Variants in FSTL5 observed in about 807,000 individuals in gnomAD.
The protein encoded by FSTL5 is follistatin like 5.
A neutral mutation model predicts 89.1 loss-of-function variants in FSTL5; 62 were observed. That is an observed-to-expected ratio of 0.70 (90% CI 0.57 to 0.86). The LOEUF (loss-of-function observed/expected upper bound fraction) is 0.86. Ranked by LOEUF, FSTL5 falls within the 40% of genes least tolerant of loss-of-function variation. The probability of loss-of-function intolerance (pLI) is 0.00; values close to 1 mark genes in which losing one functional copy is unlikely to be tolerated. For synonymous variants in FSTL5, 383 were observed against 346.2 expected, an observed-to-expected ratio of 1.11 and a Z score of -1.18; for missense variants, 1,057 against 1,001.6, an observed-to-expected ratio of 1.06 and a Z score of -0.75.
chr4:161,663,908 G>A (rs1170869584), intron 6 of FSTL5, among the ~76,000 whole-genome samples: 1 of 152,170 alleles, frequency 6.6e-6, no homozygotes, highest in South Asian at 2.1e-4. Flanking sequence ...TGACTTCTGT[G>A]CACCCACGGG....
chr4:161,880,752 A>G (rs1335247474), intron 4 of FSTL5, among the ~76,000 whole-genome samples: 1 of 152,196 alleles, frequency 6.6e-6, no homozygotes, highest in Non-Finnish European at 1.5e-5. Context: ...ACTGTAAGTT[A>G]ATTTCAAATA....
chr4:162,096,000 C>G (rs1730735895), intron 2 of FSTL5, among the ~76,000 whole-genome samples: 1 of 151,708 alleles, frequency 6.6e-6, no homozygotes, highest in African/African-American at 2.4e-5. Context: ...TTGTAGCAAC[C>G]CAGACACATG....
rs1207896016 is a variant in FSTL5 at position 161,551,647 on chromosome 4, C to A, written c.1016-8954G>T. 8.6e-3 allele frequency among the ~76,000 whole-genome samples: 1,300 copies of A among 151,870 alleles called. 14 individuals carry two copies. Among genetic ancestry groups the A allele is most frequent in the African/African-American group, 0.03 (1,248 of 41,482 alleles). On this transcript the variant is annotated intron_variant, in intron 8 of 15. Transcript: ENST00000306100. ...TGGTACCAAAACAGAGATATAGATC[C>A]ATGGAACAGAACAGAGCCCTCAGAA...
chr4:161,601,980 T>C (rs768075414), intron 7 of FSTL5, among the ~76,000 whole-genome samples: 5 of 151,888 alleles, frequency 3.3e-5, no homozygotes, highest in Admixed American at 1.3e-4. Flanking sequence ...AAACAATCAA[T>C]GGAACTAACC....
At chr4:161,493,206 G>C (rs1181702536) in intron 12 of FSTL5, among the ~76,000 whole-genome samples, 2 of 151,528 alleles carry the variant, frequency 1.3e-5, no homozygotes, top group Admixed American at 6.6e-5. Flanking sequence ...TAATCCATGA[G>C]TATGCAAAAT....
intron 7 of FSTL5, among the ~76,000 whole-genome samples, chr4:161,600,443 T>C (rs890367214): frequency 1.1e-4 from 17 of 151,928 alleles, no homozygotes; most frequent in African/African-American, 4.1e-4. Flanking sequence ...TATATCTCTT[T>C]TTTTTAATTG....
chr4:161,928,882 A>G (rs1734201813), intron 3 of FSTL5, among the ~76,000 whole-genome samples: 1 of 151,826 alleles, frequency 6.6e-6, no homozygotes, highest in South Asian at 2.1e-4. Flanking sequence ...TTGCAGAGAA[A>G]TTTTTAATTA....
At chr4:161,438,824 G>T (rs1297247728) in intron 15 of FSTL5, among the ~76,000 whole-genome samples, 3 of 151,882 alleles carry the variant, frequency 2.0e-5, no homozygotes, top group Non-Finnish European at 4.4e-5. Flanking sequence ...AATATAATCT[G>T]ATATAATCGA....
intron 2 of FSTL5, among the ~76,000 whole-genome samples, chr4:162,050,787 A>T (rs1218456475): frequency 5.3e-5 from 8 of 151,360 alleles, no homozygotes; most frequent in Admixed American, 1.3e-4. Flanking sequence ...TTTATCTAAA[A>T]CTTTGTCCTT....
At chr4:161,683,830 T>G (rs1472612292) in intron 6 of FSTL5, among the ~76,000 whole-genome samples, 1 of 152,138 alleles carries the variant, frequency 6.6e-6, no homozygotes, top group African/African-American at 2.4e-5. Context: ...TTTGTCAGAT[T>G]TTTGTGTAGC....
intron 1 of FSTL5, among the ~76,000 whole-genome samples, chr4:162,141,340 C>A (rs571557451): frequency 2.3e-5 from 2 of 87,314 alleles, no homozygotes; most frequent in East Asian, 6.8e-4. Context: ...TGGTCTCGAT[C>A]TCCTGACCTC....
chr4:161,402,348 A>G (rs1433844827), intron 15 of FSTL5, among the ~76,000 whole-genome samples: 1 of 152,192 alleles, frequency 6.6e-6, no homozygotes, highest in African/African-American at 2.4e-5. Flanking sequence ...ATTTTAGACT[A>G]ATTCCTCCCT....
At chr4:161,766,686 A>T (rs2126795752) in intron 5 of FSTL5, among the ~76,000 whole-genome samples, 1 of 152,280 alleles carries the variant, frequency 6.6e-6, no homozygotes, top group South Asian at 2.1e-4. Flanking sequence ...TCCCCTTAAA[A>T]TTATTCGTTC....
In FSTL5 at chr4:162,160,646, A is replaced by G. The variant is rs991701504; in HGVS notation, c.-17+2969T>C. 2.0e-5 allele frequency among the ~76,000 whole-genome samples: 3 copies of G among 151,992 alleles called. No individual in the cohort carries two copies. The East Asian group carries it at 5.8e-4, about 29-fold the overall frequency. On this transcript the variant is annotated intron_variant, in intron 1 of 15. Coordinates refer to ENST00000306100, the MANE Select transcript of FSTL5 (RefSeq NM_020116.5). ...GGCCTTTGGGTCTTATTGATAAATG[A>G]GCTTTAAATATTATTTTTAAATGGT...
intron 2 of FSTL5, among the ~76,000 whole-genome samples, chr4:162,073,353 C>A (rs1223763340): frequency 6.6e-6 from 1 of 151,548 alleles, no homozygotes; most frequent in East Asian, 1.9e-4. Flanking sequence ...ACATCTGTTT[C>A]TTATTGATAT....
At chr4:161,480,997 T>A (rs1274793245) in intron 13 of FSTL5, 23 bp downstream of exon 13, 1 of 1,536,568 alleles carries the variant, frequency 6.5e-7, no homozygotes, top group Non-Finnish European at 8.9e-7. Context: ...ATTTACTTTT[T>A]AAAAAGTAGT....
intron 15 of FSTL5, among the ~76,000 whole-genome samples, chr4:161,419,003 G>C (rs964340884): frequency 7.9e-5 from 12 of 152,148 alleles, no homozygotes; most frequent in African/African-American, 2.7e-4. Context: ...TTTAATATAA[G>C]AGTCACTCAT....
At chr4:161,962,707 C>A (rs141182870) in intron 3 of FSTL5, among the ~76,000 whole-genome samples, 7 of 151,936 alleles carry the variant, frequency 4.6e-5, no homozygotes, top group East Asian at 1.9e-4. Flanking sequence ...AGGGCAGGCA[C>A]CATGAATTAA....
chr4:161,603,449 G>A (rs576094818), intron 7 of FSTL5, among the ~76,000 whole-genome samples: 1 of 152,186 alleles, frequency 6.6e-6, no homozygotes, highest in South Asian at 2.1e-4. Context: ...AGCAAGGAAA[G>A]GCCACGTGCA....
Sources: allele counts gnomAD v4.1 joint callset (sites outside exome capture counted in the v4.1 genomes callset), GRCh38; gene constraint gnomAD v4.1.1; transcripts MANE v1.5; gene names NCBI Gene and HGNC (gene_info 2026-07-23, HGNC 2026-07-21).